The following ANKS1B variants were observed in gnomAD, a reference collection of about 807,000 sequenced individuals.
ANKS1B encodes the protein ankyrin repeat and sterile alpha motif domain-containing protein 1B.
Under a neutral mutation model 148.3 loss-of-function variants are expected in ANKS1B, and 36 were observed. That is an observed-to-expected ratio of 0.24 (90% CI 0.19 to 0.32). ANKS1B has a LOEUF of 0.32. Among genes scored for constraint, ANKS1B ranks in the 10% least tolerant of loss-of-function variants. The pLI is 1.00. For synonymous variants in ANKS1B, 542 were observed against 560.8 expected, an observed-to-expected ratio of 0.97 and a Z score of 0.47; for missense variants, 1,157 against 1,542.6, an observed-to-expected ratio of 0.75 and a Z score of 4.19.
At chr12:99,362,618 T>A (rs1478587180) in intron 12 of ANKS1B, among the ~76,000 whole-genome samples, 6 of 152,058 alleles carry the variant, frequency 3.9e-5, no homozygotes, top group Admixed American at 3.9e-4. Flanking sequence ...CTTGAATTTT[T>A]TATTACGGTA....
At chr12:99,222,686 A>G (rs2085310415) in intron 14 of ANKS1B, among the ~76,000 whole-genome samples, 1 of 152,116 alleles carries the variant, frequency 6.6e-6, no homozygotes, top group African/African-American at 2.4e-5. Flanking sequence ...CAATTTAATC[A>G]TTTTCCAAAT....
chr12:99,404,807 A>T (rs1211941971), intron 11 of ANKS1B, among the ~76,000 whole-genome samples: 1 of 145,460 alleles, frequency 6.9e-6, no homozygotes, highest in Non-Finnish European at 1.5e-5. Context: ...AAGGCCATAG[A>T]ATACCAAGGA....
chr12:99,136,119 A>G (rs530652810), intron 15 of ANKS1B, among the ~76,000 whole-genome samples: 1 of 152,348 alleles, frequency 6.6e-6, no homozygotes, highest in East Asian at 1.9e-4. Flanking sequence ...AACAAGATTA[A>G]AAAAGGTAAG....
At chr12:99,669,047 C>T (rs1033235850) in intron 8 of ANKS1B, among the ~76,000 whole-genome samples, 1 of 152,224 alleles carries the variant, frequency 6.6e-6, no homozygotes, top group African/African-American at 2.4e-5. Context: ...TTGAGTATAT[C>T]AAGCATATTT....
At chr12:99,475,228 G>C (rs1192363158) in intron 10 of ANKS1B, among the ~76,000 whole-genome samples, 2 of 147,340 alleles carry the variant, frequency 1.4e-5, no homozygotes, top group Non-Finnish European at 3.0e-5. Flanking sequence ...CTGGGTGACA[G>C]AGTCAGACTC....
chr12:99,317,157 T>C (rs1237430932), intron 12 of ANKS1B, among the ~76,000 whole-genome samples: 2 of 152,206 alleles, frequency 1.3e-5, no homozygotes, highest in Non-Finnish European at 2.9e-5. Context: ...GTGGGCTCTT[T>C]TTTGGTTCCA....
chr12:99,488,896 A>T (rs1239604938), intron 10 of ANKS1B, among the ~76,000 whole-genome samples: 1 of 152,182 alleles, frequency 6.6e-6, no homozygotes, highest in African/African-American at 2.4e-5. Flanking sequence ...TTTAACAAAA[A>T]CTTGACAGAT....
intron 14 of ANKS1B, among the ~76,000 whole-genome samples, chr12:99,200,142 A>C (rs749361842): frequency 6.6e-6 from 1 of 152,214 alleles, no homozygotes; most frequent in Non-Finnish European, 1.5e-5. Context: ...TGGTTCCTGC[A>C]AAAAGGAGAG....
intron 14 of ANKS1B, among the ~76,000 whole-genome samples, chr12:99,226,780 C>T (rs2086008519): frequency 6.6e-6 from 1 of 152,160 alleles, no homozygotes; most frequent in Non-Finnish European, 1.5e-5. Flanking sequence ...GTCAATAAAA[C>T]AAATCCAGAC....
At chr12:99,909,523 C>T (rs1404940501) in intron 1 of ANKS1B, among the ~76,000 whole-genome samples, 1 of 152,090 alleles carries the variant, frequency 6.6e-6, no homozygotes, top group East Asian at 1.9e-4. Context: ...GTTTCCTTTC[C>T]TCCACAGTCT....
chr12:98,749,692 A>C (rs1280900116), intron 26 of ANKS1B, among the ~76,000 whole-genome samples: 2 of 152,138 alleles, frequency 1.3e-5, no homozygotes, highest in Non-Finnish European at 2.9e-5. Context: ...GAATGGGAAG[A>C]GCTGAGCATC....
At chr12:99,658,586 T>G (rs1240484973) in intron 8 of ANKS1B, among the ~76,000 whole-genome samples, 1 of 152,118 alleles carries the variant, frequency 6.6e-6, no homozygotes, top group East Asian at 1.9e-4. Context: ...GAGCATTGGC[T>G]TTTAACTCAA....
intron 12 of ANKS1B, among the ~76,000 whole-genome samples, chr12:99,267,910 T>C (rs1222654473): frequency 6.6e-6 from 1 of 152,198 alleles, no homozygotes; most frequent in Non-Finnish European, 1.5e-5. Context: ...GTTTTGTATG[T>C]ATGATTGCTG....
At chr12:99,039,832 C>T (rs1315167461) in intron 17 of ANKS1B, among the ~76,000 whole-genome samples, 2 of 152,228 alleles carry the variant, frequency 1.3e-5, no homozygotes, top group African/African-American at 4.8e-5. Context: ...CTAAATCCTC[C>T]TTTTCCCCTT....
At chr12:99,136,560 A>G (rs916984026) in intron 15 of ANKS1B, among the ~76,000 whole-genome samples, 2 of 149,790 alleles carry the variant, frequency 1.3e-5, no homozygotes, top group African/African-American at 2.6e-5. Flanking sequence ...AGGAATTAGG[A>G]GAGAGAAGAG....
chr12:99,866,017 C>T (rs190671708), intron 1 of ANKS1B, among the ~76,000 whole-genome samples: 1 of 152,200 alleles, frequency 6.6e-6, no homozygotes, highest in Admixed American at 6.5e-5. Context: ...AGTGGAGTAG[C>T]TTAAGAATGG....
At chr12:98,759,637 C>A (rs2098352534) in intron 25 of ANKS1B, among the ~76,000 whole-genome samples, 1 of 152,136 alleles carries the variant, frequency 6.6e-6, no homozygotes, top group Non-Finnish European at 1.5e-5. Flanking sequence ...CTCTTAGGCA[C>A]AAGGGTTCAC....
At chr12:99,391,475 C>G (rs1029839158) in intron 12 of ANKS1B, among the ~76,000 whole-genome samples, 10 of 152,152 alleles carry the variant, frequency 6.6e-5, no homozygotes, top group African/African-American at 1.9e-4. Context: ...CTTCCTTCCC[C>G]ACCTTGGCCT....
intron 1 of ANKS1B, among the ~76,000 whole-genome samples, chr12:99,841,579 T>C (rs748372058): frequency 5.9e-5 from 9 of 152,102 alleles, no homozygotes; most frequent in Admixed American, 6.6e-5. Flanking sequence ...ATTGATTATG[T>C]TAATTGAATA....
Sources: allele counts gnomAD v4.1 joint callset (sites outside exome capture counted in the v4.1 genomes callset), GRCh38; gene constraint gnomAD v4.1.1; transcripts MANE v1.5; gene names NCBI Gene and HGNC (gene_info 2026-07-23, HGNC 2026-07-21).